WBP4: variants seen among roughly 807,000 people sequenced by gnomAD.
WBP4 encodes WW domain binding protein 4, also known as WW domain-binding protein 4.
WBP4 carries 37 observed loss-of-function variants against 55.4 expected under a neutral mutation model. That is an observed-to-expected ratio of 0.67 (90% CI 0.51 to 0.88). WBP4 has a LOEUF of 0.88. WBP4 is among the 40% of genes least tolerant of loss of function. WBP4 has a pLI of 0.00. For synonymous variants in WBP4, 142 were observed against 140.2 expected, an observed-to-expected ratio of 1.01 and a Z score of -0.09; for missense variants, 398 against 420.8, an observed-to-expected ratio of 0.95 and a Z score of 0.47.
chr13:41,083,087 A>G lies in WBP4; in HGVS notation c.*173A>G. ...TCATGTGAAATTTATTTTGGTTCCT[A>G]AAATGGAAGCCTACCACATTGCATT... On this transcript the variant is annotated 3_prime_UTR_variant, in exon 10 of 10. Transcript: ENST00000379487. The G allele has an allele frequency of 1.5e-6, 1 of 669,466 alleles. No homozygotes were observed. The highest frequency in any genetic ancestry group is 2.4e-6 in the Non-Finnish European group (1 of 415,044). 41.5% of individuals were successfully genotyped at this position (669,466 alleles called of 1,614,324 possible).
chr13:41,082,415 C>T (rs1878822572), intron 9 of WBP4, among the ~76,000 whole-genome samples: 1 of 152,086 alleles, frequency 6.6e-6, no homozygotes, highest in African/African-American at 2.4e-5. Context: ...CACCCAACCC[C>T]CTTATCCCTT....
At chr13:41,072,682 A>G in intron 6 of WBP4, 100 bp from the exon 7 acceptor site, 1 of 908,600 alleles carries the variant, frequency 1.1e-6, no homozygotes, top group Non-Finnish European at 1.7e-6. Context: ...TGATATCACC[A>G]GGTGTCAGGA....
intron 5 of WBP4, among the ~76,000 whole-genome samples, chr13:41,070,301 G>C (rs1047676161): frequency 6.6e-6 from 1 of 152,066 alleles, no homozygotes; most frequent in Non-Finnish European, 1.5e-5. Context: ...GCACAGTGTA[G>C]ACACTCTGTG....
intron 6 of WBP4, 115 bp from the exon 7 acceptor site, chr13:41,072,667 C>G (rs916577623): frequency 1.2e-6 from 1 of 801,114 alleles, no homozygotes; most frequent in Non-Finnish European, 2.0e-6. Flanking sequence ...GGATGCAGAT[C>G]GAGATGATAT....
chr13:41,080,646 G>GA lies in WBP4; in HGVS notation c.764dup (p.Asn255LysfsTer2). On this transcript the variant is annotated frameshift_variant and splice_region_variant, in exon 9 of 10. Coordinates refer to ENST00000379487, the MANE Select transcript of WBP4 (RefSeq NM_007187.5). LOFTEE classifies it high-confidence loss of function. ...TTATTTCTTGGCTTTTACATTTCAGGAAAAAAATAAAAATAGTGATGGAGG... is the reference window on the plus strand; with the variant it reads ...TTATTTCTTGGCTTTTACATTTCAGGAAAAAAAATAAAAATAGTGATGGAGG... The GA allele has an allele frequency of 6.4e-7, 1 of 1,574,084 alleles. No individual in the cohort carries two copies. Among genetic ancestry groups the GA allele is most frequent in the Non-Finnish European group, 8.5e-7 (1 of 1,169,900 alleles).
At chr13:41,065,472 T>C (rs1347576389) in intron 4 of WBP4, among the ~76,000 whole-genome samples, 185 bp downstream of exon 4, 1 of 152,176 alleles carries the variant, frequency 6.6e-6, no homozygotes, top group Non-Finnish European at 1.5e-5. Flanking sequence ...GTTGTACTTT[T>C]AATGTTTTAT....
chr13:41,075,644 G>A (rs1051693095), intron 7 of WBP4, among the ~76,000 whole-genome samples: 14 of 152,158 alleles, frequency 9.2e-5, no homozygotes, highest in African/African-American at 3.1e-4. Flanking sequence ...CCTTTTCAAA[G>A]TGTTGGAATT....
Position 41,065,289 on chromosome 13 carries a change from TA to T in WBP4, c.262+23del, listed in dbSNP as rs58699334. The T allele has an allele frequency of 0.21, 260,699 of 1,233,398 alleles. 10 individuals are homozygous for T. The highest frequency in any genetic ancestry group is 0.23 in the Middle Eastern group (787 of 3,422). The allele number at this position is 1,233,398 out of a possible 1,614,324, so 76.4% of individuals were successfully genotyped here. A position where few individuals can be genotyped will look rare whatever the true frequency, so the allele number is the denominator to read the frequency against. On this transcript the variant is annotated splice_donor_region_variant and intron_variant, in intron 4 of 9. Coordinates refer to ENST00000379487, the MANE Select transcript of WBP4 (RefSeq NM_007187.5). The stretch of plus-strand genomic sequence containing the variant: ...TGAAAAGACTTGGCTTAGAGTCAGG[TA>T]AAAAAAAAAAAAAAAAAAAAGCAGC...
chr13:41,073,190 A>G (rs1299085617), intron 7 of WBP4, among the ~76,000 whole-genome samples: 3 of 152,234 alleles, frequency 2.0e-5, no homozygotes, highest in Non-Finnish European at 4.4e-5. Context: ...CTTAGAGATC[A>G]TCTGGCTCAA....
chr13:41,077,864 G>A (rs1003748633), intron 8 of WBP4, among the ~76,000 whole-genome samples: 1 of 151,370 alleles, frequency 6.6e-6, no homozygotes, highest in Non-Finnish European at 1.5e-5. Flanking sequence ...TGGTAAAACC[G>A]AGAACCAAAT....
At chr13:41,073,183 A>G (rs1254095295) in intron 7 of WBP4, among the ~76,000 whole-genome samples, 1 of 152,218 alleles carries the variant, frequency 6.6e-6, no homozygotes, top group East Asian at 1.9e-4. Flanking sequence ...AAGGTAGCTT[A>G]GAGATCATCT....
chr13:41,061,614 G>A lies in WBP4; in HGVS notation c.-60G>A, dbSNP rs972122658. 5.0e-6 allele frequency: 8 copies of A among 1,613,800 alleles called. No individual in the cohort carries two copies. Among genetic ancestry groups the A allele is most frequent in the Non-Finnish European group, 6.8e-6 (8 of 1,179,962 alleles). On this transcript the variant is annotated 5_prime_UTR_variant, in exon 1 of 10. Transcript: ENST00000379487. ...CGGCTGGAAGAGCTCGACTCGTCCC[G>A]CTGGGAAAGCGCGAGTCTGAGTGGA... is the stretch of plus-strand genomic sequence containing the variant.
chr13:41,068,763 T>C, intron 5 of WBP4, 26 bp downstream of exon 5: 1 of 1,532,478 alleles, frequency 6.5e-7, no homozygotes, highest in Non-Finnish European at 8.8e-7. Context: ...ATAAAACTGG[T>C]AAAGAACAGT....
Position 41,062,656 on chromosome 13 carries a change from G to A in WBP4, c.15G>A (p.Trp5Ter). The A allele has an allele frequency of 6.2e-7, 1 of 1,613,746 alleles. No individual in the cohort carries two copies. Among genetic ancestry groups the A allele is most frequent in the African/African-American group, 1.3e-5 (1 of 75,012 alleles). MADY[W>*]KSQPKKFCDY... ...CTCTCTTTTTCAGGGCGGACTACTGGAAGTCACAGCCAAAGAAATTCTGTG... is the reference window on the plus strand; with the variant it reads ...CTCTCTTTTTCAGGGCGGACTACTGAAAGTCACAGCCAAAGAAATTCTGTG... Residue 5 changes from tryptophan (W) to a stop codon, truncating the protein, a stop_gained, in exon 2 of 10, where the codon TGG becomes TGA. Coordinates refer to ENST00000379487, the MANE Select transcript of WBP4 (RefSeq NM_007187.5). LOFTEE classifies it high-confidence loss of function.
At chr13:41,061,939 C>T (rs1053176779) in intron 1 of WBP4, among the ~76,000 whole-genome samples, 1 of 151,804 alleles carries the variant, frequency 6.6e-6, no homozygotes, top group Non-Finnish European at 1.5e-5. Flanking sequence ...TGGACGGCCG[C>T]GGGTGAAGCG....
chr13:41,080,726 T>A lies in WBP4; in HGVS notation c.837T>A (p.Gly279=). Residue 279 remains glycine (G), a synonymous_variant, in exon 9 of 10, where the codon GGT becomes GGA. Coordinates refer to ENST00000379487, the MANE Select transcript of WBP4 (RefSeq NM_007187.5). ...EKSIQKQNSL[G]SNEEKSKTLK... is the part of the protein sequence containing the mutation. ...GTATTCAGAAACAGAATTCATTAGGTTCAAATGAAGAAAAATCGAAAACTC... is the reference window on the plus strand; with the variant it reads ...GTATTCAGAAACAGAATTCATTAGGATCAAATGAAGAAAAATCGAAAACTC... 1 of 1,606,106 alleles carries A rather than the reference T, an allele frequency of 6.2e-7. No individual in the cohort carries two copies.
chr13:41,073,260 T>G (rs1012330124), intron 7 of WBP4, among the ~76,000 whole-genome samples: 15 of 152,188 alleles, frequency 9.9e-5, no homozygotes, highest in African/African-American at 3.6e-4. Context: ...ATGCCTGTAA[T>G]CCCAGCAGTT....
At chr13:41,063,679 T>G (rs779248028) in intron 2 of WBP4, among the ~76,000 whole-genome samples, 37 of 152,184 alleles carry the variant, frequency 2.4e-4, no homozygotes, top group Non-Finnish European at 4.4e-4. Flanking sequence ...TCTGTCTTTA[T>G]CTTCTTGAGT....
rs761273757 is a variant in WBP4, at chr13:41,069,835, G to A, written c.439+1098G>A. ...GGAGTTTGCAGTGAGCCCAGATCGC[G>A]CCATTTCACTCCTGCCTGGGCAACA... On this transcript the variant is annotated intron_variant, in intron 5 of 9. Coordinates refer to ENST00000379487, the MANE Select transcript of WBP4 (RefSeq NM_007187.5). Among the ~76,000 whole-genome samples, 5 of 146,960 alleles carry A rather than the reference G, an allele frequency of 3.4e-5. No individual in the cohort carries two copies. In the South Asian group the frequency reaches 8.5e-4, roughly 25 times the overall value.
Sources: gnomAD v4.1 joint callset for allele counts (sites outside exome capture counted in the v4.1 genomes callset) on GRCh38, gnomAD v4.1.1 for gene constraint, MANE v1.5 for transcripts, NCBI Gene and HGNC (gene_info 2026-07-23, HGNC 2026-07-21) for gene names.